WWOX: variants seen among roughly 807,000 people sequenced by gnomAD.
The protein encoded by WWOX is WW domain containing oxidoreductase.
WWOX carries 69 observed loss-of-function variants against 46.2 expected under a neutral mutation model. That is an observed-to-expected ratio of 1.49 (90% CI 1.23 to 1.82). WWOX has a LOEUF of 1.82. WWOX is among the 40% of genes most tolerant of loss of function. WWOX has a pLI of 0.00. For missense variants in WWOX, 919 were observed against 542.6 expected (o/e 1.69, Z -6.89); for synonymous variants, 359 against 202.6 (o/e 1.77, Z -6.56).
chr16:78,544,539 A>G (rs982323326), intron 8 of WWOX, among the ~76,000 whole-genome samples: 1 of 152,110 alleles, frequency 6.6e-6, no homozygotes, highest in African/African-American at 2.4e-5. Context: ...GTGTGGCATC[A>G]AAGCCATTTT....
At chr16:78,312,726 T>G (rs888451720) in intron 5 of WWOX, among the ~76,000 whole-genome samples, 2 of 152,318 alleles carry the variant, frequency 1.3e-5, no homozygotes, top group African/African-American at 4.8e-5. Context: ...TTCTCTGCAT[T>G]GGAGGAAGCA....
At chr16:78,424,219 G>C (rs574449284) in intron 6 of WWOX, among the ~76,000 whole-genome samples, 142 of 148,324 alleles carry the variant, frequency 9.6e-4, no homozygotes, top group African/African-American at 3.3e-3. Context: ...CTGGGTTCAA[G>C]TGATTCTCCG....
At chr16:78,427,812 C>T (rs533039294) in intron 7 of WWOX, among the ~76,000 whole-genome samples, 20 of 151,578 alleles carry the variant, frequency 1.3e-4, no homozygotes, top group African/African-American at 4.4e-4. Context: ...AAAAAAAATG[C>T]AGTATAGGCC....
intron 8 of WWOX, among the ~76,000 whole-genome samples, chr16:78,887,084 GTGTGTGTGTGTGTGTGTGTGT>G (rs2044477762): frequency 9.7e-5 from 1 of 10,304 alleles, no homozygotes; most frequent in Admixed American, 3.2e-3. Flanking sequence ...TGTGGTGTGT[GTGTGTGTGTGTGTGTGTGTGT>G]GTGTGTGTGT....
intron 8 of WWOX, among the ~76,000 whole-genome samples, chr16:79,003,047 A>C (rs555092534): frequency 6.6e-6 from 1 of 152,298 alleles, no homozygotes; most frequent in East Asian, 1.9e-4. Context: ...GCCTCACAGC[A>C]CATTTCAGGA....
At chr16:78,930,130 G>C (rs933247837) in intron 8 of WWOX, among the ~76,000 whole-genome samples, 2 of 151,952 alleles carry the variant, frequency 1.3e-5, no homozygotes, top group Non-Finnish European at 2.9e-5. Context: ...GGGTCTGGCA[G>C]AGAAACAATA....
At chr16:78,505,718 G>A (rs2085182857) in intron 8 of WWOX, among the ~76,000 whole-genome samples, 2 of 135,950 alleles carry the variant, frequency 1.5e-5, no homozygotes, top group Non-Finnish European at 2.9e-5. Context: ...CCCTAGCACA[G>A]GGAGCATGCA....
At chr16:78,249,518 A>C (rs1022649939) in intron 5 of WWOX, among the ~76,000 whole-genome samples, 4 of 152,168 alleles carry the variant, frequency 2.6e-5, no homozygotes, top group African/African-American at 7.2e-5. Flanking sequence ...CGTGGCTCTG[A>C]GGGCAGAAAC....
chr16:78,889,304 A>T (rs2044536394), intron 8 of WWOX, among the ~76,000 whole-genome samples: 1 of 151,810 alleles, frequency 6.6e-6, no homozygotes, highest in South Asian at 2.1e-4. Flanking sequence ...GTGCATAGTC[A>T]AATGCTTTCT....
chr16:79,175,928 C>G (rs987637145), intron 8 of WWOX, among the ~76,000 whole-genome samples: 2 of 152,170 alleles, frequency 1.3e-5, no homozygotes, highest in African/African-American at 4.8e-5. Flanking sequence ...TAATCTCTAC[C>G]TGAGTTCCAT....
At chr16:78,946,416 C>G (rs1043007828) in intron 8 of WWOX, among the ~76,000 whole-genome samples, 1 of 152,110 alleles carries the variant, frequency 6.6e-6, no homozygotes, top group East Asian at 1.9e-4. Context: ...GTCTTGAACT[C>G]CTGACCTGAG....
intron 8 of WWOX, among the ~76,000 whole-genome samples, chr16:78,791,793 T>C (rs925910176): frequency 4.0e-5 from 6 of 151,870 alleles, no homozygotes; most frequent in African/African-American, 1.5e-4. Context: ...GGCGGGAGAA[T>C]CACTTGAACC....
intron 8 of WWOX, among the ~76,000 whole-genome samples, chr16:78,968,827 C>G (rs1324534786): frequency 6.6e-6 from 1 of 151,922 alleles, no homozygotes; most frequent in Non-Finnish European, 1.5e-5. Flanking sequence ...TGGATTGGAT[C>G]CGAGCCATTT....
intron 8 of WWOX, among the ~76,000 whole-genome samples, chr16:78,888,548 C>G (rs1436530930): frequency 1.3e-5 from 2 of 152,162 alleles, no homozygotes; most frequent in East Asian, 1.9e-4. Flanking sequence ...TTCCAGAACT[C>G]AAAGACGGCT....
chr16:79,073,497 T>C (rs1439992313), intron 8 of WWOX, among the ~76,000 whole-genome samples: 2 of 152,172 alleles, frequency 1.3e-5, no homozygotes, highest in Non-Finnish European at 2.9e-5. Flanking sequence ...TATAGAGTTA[T>C]ATGGATTTAT....
intron 8 of WWOX, among the ~76,000 whole-genome samples, chr16:79,053,696 T>A (rs2048211272): frequency 6.6e-6 from 1 of 152,220 alleles, no homozygotes; most frequent in Admixed American, 6.5e-5. Flanking sequence ...TTTTAGAGGA[T>A]TTTGCATCTC....
At chr16:78,779,125 C>T (rs61283655) in intron 8 of WWOX, among the ~76,000 whole-genome samples, 1 of 152,114 alleles carries the variant, frequency 6.6e-6, no homozygotes, top group Non-Finnish European at 1.5e-5. Flanking sequence ...TGTTGGAAAA[C>T]ATAAATGTGA....
chr16:78,964,763 G>C (rs1249655342), intron 8 of WWOX, among the ~76,000 whole-genome samples: 2 of 152,204 alleles, frequency 1.3e-5, no homozygotes. Context: ...GAGGCCTGAA[G>C]TCCCAGGAGG....
intron 8 of WWOX, among the ~76,000 whole-genome samples, chr16:78,740,725 C>A (rs935049348): frequency 6.6e-6 from 1 of 152,100 alleles, no homozygotes; most frequent in African/African-American, 2.4e-5. Flanking sequence ...GCAAGGGAAG[C>A]ATTCAATTTG....
Sources: gnomAD v4.1 joint callset for allele counts (sites outside exome capture counted in the v4.1 genomes callset) on GRCh38, gnomAD v4.1.1 for gene constraint, MANE v1.5 for transcripts, NCBI Gene and HGNC (gene_info 2026-07-23, HGNC 2026-07-21) for gene names.